The following ASIC2 variants were observed in gnomAD, a reference collection of about 807,000 sequenced individuals.
The protein encoded by ASIC2 is acid sensing ion channel subunit 2.
Under a neutral mutation model 57.3 loss-of-function variants are expected in ASIC2, and 25 were observed. The observed-to-expected ratio is 0.44, with a 90% CI of 0.32 to 0.61. The LOEUF is 0.61. ASIC2 is among the 20% of genes least tolerant of loss of function. ASIC2 has a pLI of 0.06. For synonymous variants in ASIC2, 319 were observed against 307.5 expected (o/e 1.04, Z -0.39); for missense variants, 641 against 738.1 (o/e 0.87, Z 1.52).
intron 1 of ASIC2, among the ~76,000 whole-genome samples, chr17:33,761,503 G>A (rs1030620452): frequency 1.3e-5 from 2 of 152,290 alleles, no homozygotes; most frequent in Non-Finnish European, 2.9e-5. Context: ...TGCTGCAGAT[G>A]TGGTCTGGCC....
chr17:33,837,522 G>A (rs1913309764), intron 1 of ASIC2, among the ~76,000 whole-genome samples: 1 of 152,126 alleles, frequency 6.6e-6, no homozygotes, highest in Admixed American at 6.5e-5. Context: ...TCCCATAAAT[G>A]TTCTCCTAAA....
intron 1 of ASIC2, among the ~76,000 whole-genome samples, chr17:33,779,237 T>G (rs1911375223): frequency 6.6e-6 from 1 of 152,204 alleles, no homozygotes; most frequent in South Asian, 2.1e-4. Flanking sequence ...TGTTAAGTTC[T>G]GTTGTTCCTT....
chr17:33,149,039 A>G (rs1597604023), intron 1 of ASIC2, among the ~76,000 whole-genome samples: 1 of 152,328 alleles, frequency 6.6e-6, no homozygotes, highest in East Asian at 1.9e-4. Flanking sequence ...GGTTGCAGTG[A>G]GCTGAGATCA....
intron 1 of ASIC2, among the ~76,000 whole-genome samples, chr17:33,963,269 A>G (rs945540263): frequency 1.3e-5 from 2 of 152,148 alleles, no homozygotes; most frequent in African/African-American, 2.4e-5. Flanking sequence ...TCTACGTTGC[A>G]TCGCTGTTTT....
At chr17:33,204,787 T>G (rs1906999998) in intron 1 of ASIC2, among the ~76,000 whole-genome samples, 1 of 152,224 alleles carries the variant, frequency 6.6e-6, no homozygotes, top group South Asian at 2.1e-4. Context: ...TCATTTCCAC[T>G]GGATGTGAAG....
At chr17:33,930,516 C>T (rs1915908756) in intron 1 of ASIC2, among the ~76,000 whole-genome samples, 2 of 152,308 alleles carry the variant, frequency 1.3e-5, no homozygotes, top group South Asian at 2.1e-4. Flanking sequence ...GAGACCAGAG[C>T]CTGGGCCCAC....
At chr17:33,586,005 C>T (rs1904617170) in intron 1 of ASIC2, among the ~76,000 whole-genome samples, 2 of 152,066 alleles carry the variant, frequency 1.3e-5, no homozygotes, top group Non-Finnish European at 2.9e-5. Flanking sequence ...TCATGCATGC[C>T]TCCGCAATAC....
In ASIC2 at chr17:33,038,186, G is replaced by C. The variant is rs779795384; in HGVS notation, c.988-9794C>G. Reference sequence around the variant, plus strand: ...AAATAAGTTCAGTGCCCAGATGCTAGTAGGTACTTGCCAAGACTTAGTTCT... The same window carrying C: ...AAATAAGTTCAGTGCCCAGATGCTACTAGGTACTTGCCAAGACTTAGTTCT... On this transcript the variant is annotated intron_variant, in intron 3 of 9. Coordinates refer to ENST00000225823, the MANE Select transcript of ASIC2 (RefSeq NM_183377.2). Among the ~76,000 whole-genome samples the C allele has an allele frequency of 2.0e-5, 3 of 152,184 alleles. No individual in the cohort carries two copies. In the South Asian group the frequency reaches 6.2e-4, roughly 32 times the overall value.
At chr17:33,610,586 A>G (rs982820523) in intron 1 of ASIC2, among the ~76,000 whole-genome samples, 17 of 152,092 alleles carry the variant, frequency 1.1e-4, no homozygotes, top group African/African-American at 4.1e-4. Flanking sequence ...AAGGTACACC[A>G]TACAAATGAT....
At chr17:33,948,752 T>C (rs972069916) in intron 1 of ASIC2, among the ~76,000 whole-genome samples, 7 of 152,310 alleles carry the variant, frequency 4.6e-5, no homozygotes, top group Middle Eastern at 3.4e-3. Flanking sequence ...ATGCCTACCT[T>C]ACACTGTGAT....
At position 33,951,771 on chromosome 17, in the gene ASIC2, T is replaced by C. The variant is rs187471738; in HGVS notation, c.555+204207A>G. 6.6e-3 allele frequency among the ~76,000 whole-genome samples: 1,005 copies of C among 151,146 alleles called. 10 individuals carry two copies. Among genetic ancestry groups the C allele is most frequent in the African/African-American group, 0.024 (976 of 41,162 alleles). On this transcript the variant is annotated intron_variant, in intron 1 of 9. Coordinates refer to the ASIC2 transcript ENST00000359872. ...CTAATTTTTGTATTTTTTTTTTTTT[T>C]TTAGTGGAGACAGGGTTTCATCATG...
chr17:34,123,770 T>C (rs1911694926), intron 1 of ASIC2, among the ~76,000 whole-genome samples: 1 of 152,146 alleles, frequency 6.6e-6, no homozygotes, highest in Non-Finnish European at 1.5e-5. Flanking sequence ...CTAGGGATCA[T>C]TTGAAGCTTT....
At chr17:34,026,195 C>G (rs971717254) in intron 1 of ASIC2, among the ~76,000 whole-genome samples, 2 of 152,218 alleles carry the variant, frequency 1.3e-5, no homozygotes, top group African/African-American at 4.8e-5. Flanking sequence ...AGCAGTCCTT[C>G]TTTCTCAGCC....
intron 4 of ASIC2, among the ~76,000 whole-genome samples, chr17:33,027,445 G>C (rs2091863968): frequency 6.6e-6 from 1 of 152,184 alleles, no homozygotes; most frequent in Admixed American, 6.5e-5. Flanking sequence ...CACATAGTAG[G>C]TCTTTAGTCA....
At chr17:34,034,845 G>A (rs1325540904) in intron 1 of ASIC2, among the ~76,000 whole-genome samples, 1 of 152,088 alleles carries the variant, frequency 6.6e-6, no homozygotes, top group Non-Finnish European at 1.5e-5. Flanking sequence ...ACAAACCACT[G>A]CTCAATGAAA....
intron 1 of ASIC2, among the ~76,000 whole-genome samples, chr17:33,260,402 G>C (rs1411215334): frequency 6.6e-6 from 1 of 152,214 alleles, no homozygotes; most frequent in Non-Finnish European, 1.5e-5. Flanking sequence ...GCCAGTTGGA[G>C]CACTCAGCAG....
At chr17:33,627,353 T>C (rs1906019902) in intron 1 of ASIC2, 1 of 152,278 alleles carries the variant, frequency 6.6e-6, no homozygotes, top group African/African-American at 2.4e-5. Context: ...AGAGTTTGGG[T>C]GCTTTATTTA....
At chr17:34,006,133 A>G (rs886328542) in intron 1 of ASIC2, 2 of 152,262 alleles carry the variant, frequency 1.3e-5, no homozygotes, top group Non-Finnish European at 2.9e-5. Flanking sequence ...GCCCTGATAA[A>G]GACTAATTGC....
At chr17:33,860,632 A>G (rs986128286) in intron 1 of ASIC2, among the ~76,000 whole-genome samples, 2 of 152,224 alleles carry the variant, frequency 1.3e-5, no homozygotes, top group East Asian at 1.9e-4. Context: ...GACCAGAATC[A>G]TATGGCATAA....
Sources: allele counts gnomAD v4.1 joint callset (sites outside exome capture counted in the v4.1 genomes callset), GRCh38; gene constraint gnomAD v4.1.1; transcripts MANE v1.5; gene names NCBI Gene and HGNC (gene_info 2026-07-23, HGNC 2026-07-21).